Variants in AGMO observed in about 807,000 individuals in gnomAD.
AGMO encodes the protein alkylglycerol monooxygenase.
In AGMO, 75 loss-of-function variants were observed where a neutral mutation model predicts 60.2. The observed-to-expected ratio is 1.25, with a 90% CI of 1.03 to 1.51. The LOEUF (loss-of-function observed/expected upper bound fraction) is 1.51, where lower values mean the gene tolerates loss of function less well. Ranked by LOEUF, AGMO falls within the 40% of genes most tolerant of loss-of-function variation. The probability of loss-of-function intolerance (pLI) is 0.00; values close to 1 mark genes in which losing one functional copy is unlikely to be tolerated. For synonymous variants in AGMO, 261 were observed against 177.1 expected, an observed-to-expected ratio of 1.47 and a Z score of -3.76; for missense variants, 763 against 525.5, an observed-to-expected ratio of 1.45 and a Z score of -4.42.
chr7:15,373,449 G>T (rs148659706), intron 10 of AGMO, among the ~76,000 whole-genome samples: 1 of 152,194 alleles, frequency 6.6e-6, no homozygotes, highest in East Asian at 1.9e-4. Flanking sequence ...CACAAAAACA[G>T]CAGAATTACA....
chr7:15,136,593 C>A, the AGMO span, among the ~76,000 whole-genome samples: 1 of 152,180 alleles, frequency 6.6e-6, no homozygotes, highest in South Asian at 2.1e-4. Context: ...TCCAAAATCT[C>A]AGTCTCTGGA....
At chr7:15,402,042 GC>G (rs149448430) in intron 5 of AGMO, among the ~76,000 whole-genome samples, 16,333 of 152,112 alleles carry the variant, frequency 0.11, 1,125 homozygotes, top group South Asian at 0.19. Flanking sequence ...GAAATACTAA[GC>G]CCAGCTTCTC....
intron 12 of AGMO, among the ~76,000 whole-genome samples, chr7:15,326,335 G>C (rs1292338701): frequency 6.6e-6 from 1 of 152,188 alleles, no homozygotes; most frequent in African/African-American, 2.4e-5. Context: ...AAAGGGGTAA[G>C]GGATGATAGG....
chr7:15,188,822 C>T, the AGMO span, among the ~76,000 whole-genome samples: 2 of 152,232 alleles, frequency 1.3e-5, no homozygotes, highest in Non-Finnish European at 2.9e-5. Flanking sequence ...TGGCCATGAA[C>T]TGATCGTTGG....
At chr7:15,255,534 C>CAAAAAAAAAAAAAAAA (rs60035165) in intron 12 of AGMO, among the ~76,000 whole-genome samples, 6 of 115,752 alleles carry the variant, frequency 5.2e-5, no homozygotes, top group Admixed American at 1.8e-4. Context: ...TGTAAGAATA[C>CAAAAAAAAAAAAAAAA]AAAAAAAAAA....
chr7:15,138,387 A>G, the AGMO span, among the ~76,000 whole-genome samples: 1,063 of 152,294 alleles, frequency 7.0e-3, 13 homozygotes, highest in East Asian at 0.04. Context: ...ATGTAATGTA[A>G]TTAGATTCCA....
chr7:15,457,582 A>C (rs1460772361), intron 3 of AGMO, among the ~76,000 whole-genome samples: 2 of 152,232 alleles, frequency 1.3e-5, no homozygotes, highest in East Asian at 3.8e-4. Context: ...TGCTTACAGC[A>C]AATTAGCTTG....
chr7:15,417,436 GTGACC>G (rs1319063427), intron 5 of AGMO, among the ~76,000 whole-genome samples: 2 of 152,136 alleles, frequency 1.3e-5, no homozygotes, highest in African/African-American at 2.4e-5. Context: ...GACACATGGC[GTGACC>G]TGGAGCAGAG....
chr7:15,513,390 T>G (rs1783728704), intron 3 of AGMO, among the ~76,000 whole-genome samples: 1 of 152,204 alleles, frequency 6.6e-6, no homozygotes, highest in Non-Finnish European at 1.5e-5. Flanking sequence ...CTGAGGCTAT[T>G]TCTGTTTTTT....
intron 12 of AGMO, among the ~76,000 whole-genome samples, chr7:15,339,607 T>C (rs563376321): frequency 4.6e-5 from 7 of 152,320 alleles, no homozygotes; most frequent in African/African-American, 1.7e-4. Context: ...ATGCAGAATG[T>C]CAGGGCAGTC....
At chr7:15,204,133 A>C (rs908808940) in intron 12 of AGMO, among the ~76,000 whole-genome samples, 3 of 152,128 alleles carry the variant, frequency 2.0e-5, no homozygotes, top group African/African-American at 7.2e-5. Flanking sequence ...AGTTAATTTT[A>C]CACTTTAGAA....
chr7:15,236,317 A>C (rs949730221), intron 12 of AGMO, among the ~76,000 whole-genome samples: 1 of 151,424 alleles, frequency 6.6e-6, no homozygotes, highest in Non-Finnish European at 1.5e-5. Flanking sequence ...CTACATTTAC[A>C]TTAAACTACA....
chr7:15,126,585 G>C, the AGMO span, among the ~76,000 whole-genome samples: 1 of 152,016 alleles, frequency 6.6e-6, no homozygotes, highest in Non-Finnish European at 1.5e-5. Flanking sequence ...AGGGTCTGGG[G>C]AGTCATGCCC....
intron 12 of AGMO, among the ~76,000 whole-genome samples, chr7:15,293,121 C>T (rs1397115746): frequency 6.6e-6 from 1 of 152,060 alleles, no homozygotes; most frequent in Non-Finnish European, 1.5e-5. Flanking sequence ...ATCACATATT[C>T]ATTCTATGAG....
chr7:15,290,203 A>G (rs1034382827), intron 12 of AGMO, among the ~76,000 whole-genome samples: 1 of 150,904 alleles, frequency 6.6e-6, no homozygotes, highest in African/African-American at 2.4e-5. Flanking sequence ...TAATTTTTGT[A>G]TTTTCAGTAC....
chr7:15,561,205 G>A (rs1349583069), intron 1 of AGMO, among the ~76,000 whole-genome samples: 1 of 152,170 alleles, frequency 6.6e-6, no homozygotes, highest in East Asian at 1.9e-4. Context: ...GAAGTGAAAT[G>A]TGCCTCTGAG....
chr7:15,243,157 T>C (rs994246866), intron 12 of AGMO, among the ~76,000 whole-genome samples: 1 of 152,104 alleles, frequency 6.6e-6, no homozygotes, highest in African/African-American at 2.4e-5. Flanking sequence ...AGGTCAGTTC[T>C]CAAGGGATTG....
At chr7:15,303,988 A>G (rs1167121202) in intron 12 of AGMO, among the ~76,000 whole-genome samples, 2 of 152,158 alleles carry the variant, frequency 1.3e-5, no homozygotes, top group African/African-American at 4.8e-5. Context: ...AATATCCAAT[A>G]CGATTTTCCA....
At chr7:15,199,143 G>T (rs1781208374), downstream of AGMO, among the ~76,000 whole-genome samples, 1 of 152,176 alleles carries the variant, frequency 6.6e-6, no homozygotes, top group Non-Finnish European at 1.5e-5. Flanking sequence ...TGTTAGGTCA[G>T]ATTTCTCATT....
Sources: allele counts gnomAD v4.1 joint callset (sites outside exome capture counted in the v4.1 genomes callset), GRCh38; gene constraint gnomAD v4.1.1; transcripts MANE v1.5; gene names NCBI Gene and HGNC (gene_info 2026-07-23, HGNC 2026-07-21).